ANKAR: variants seen among roughly 807,000 people sequenced by gnomAD.
The protein encoded by ANKAR is ankyrin and armadillo repeat-containing protein.
Under a neutral mutation model 146.2 loss-of-function variants are expected in ANKAR, and 136 were observed. That is an observed-to-expected ratio of 0.93 (90% CI 0.81 to 1.07). ANKAR has a LOEUF of 1.07. Among genes scored for constraint, ANKAR ranks in the 50% least tolerant of loss-of-function variants. ANKAR has a pLI of 0.00. For synonymous variants in ANKAR, 500 were observed against 575.8 expected (o/e 0.87, Z 1.88); for missense variants, 1,567 against 1,679.9 (o/e 0.93, Z 1.18).
chr2:189,731,264 C>A (rs949307659), intron 16 of ANKAR, among the ~76,000 whole-genome samples: 86 of 150,508 alleles, frequency 5.7e-4, no homozygotes, highest in African/African-American at 2.1e-3. Flanking sequence ...ATTATAACAT[C>A]AAAAAAAATT....
intron 22 of ANKAR, among the ~76,000 whole-genome samples, chr2:189,745,420 TTATATC>T (rs1280291830): frequency 6.6e-6 from 1 of 152,196 alleles, no homozygotes; most frequent in Non-Finnish European, 1.5e-5. Flanking sequence ...CTTTGCTGTT[TTATATC>T]TGAAACAACT....
chr2:189,704,619 A>T (rs532097932), intron 7 of ANKAR, among the ~76,000 whole-genome samples: 2 of 130,402 alleles, frequency 1.5e-5, no homozygotes, highest in South Asian at 2.5e-4. Flanking sequence ...AAAGGATCTT[A>T]TCTTCAACTA....
intron 9 of ANKAR, among the ~76,000 whole-genome samples, chr2:189,707,869 A>T (rs904154591): frequency 5.3e-5 from 8 of 152,142 alleles, no homozygotes; most frequent in Non-Finnish European, 1.2e-4. Context: ...GCCAGAGAAA[A>T]TCATTCCAAG....
At chr2:189,762,570 A>G (rs1004555617), downstream of ANKAR, 2 of 984,430 alleles carry the variant, frequency 2.0e-6, no homozygotes, top group Non-Finnish European at 2.4e-6. Context: ...AACCCACGTG[A>G]CTTGGGTAGC....
intron 19 of ANKAR, 136 bp downstream of exon 19, chr2:189,738,818 AC>A: frequency 1.8e-6 from 1 of 548,032 alleles, no homozygotes. Flanking sequence ...GTTTATATCT[AC>A]ATGGAACTCC....
At chr2:189,725,868 A>G (rs905683038) in intron 12 of ANKAR, among the ~76,000 whole-genome samples, 15 of 152,182 alleles carry the variant, frequency 9.9e-5, no homozygotes, top group African/African-American at 3.6e-4. Flanking sequence ...AGTTCATGTC[A>G]TTGCATTCCA....
chr2:189,728,877 G>T (rs760914835), intron 15 of ANKAR, 56 bp downstream of exon 15: 5 of 1,507,226 alleles, frequency 3.3e-6, no homozygotes, highest in South Asian at 1.3e-5. Context: ...AACAGATTGC[G>T]CAGAGAAGTG....
At chr2:189,753,165 A>G (rs2045550604) in intron 18 of ANKAR, 1 of 427,604 alleles carries the variant, frequency 2.3e-6, no homozygotes. Context: ...TAATTCTAAT[A>G]GCATACAAAC....
chr2:189,744,830 A>G, intron 22 of ANKAR, 42 bp downstream of exon 22: 1 of 1,424,962 alleles, frequency 7.0e-7, no homozygotes, highest in Non-Finnish European at 9.8e-7. Context: ...CTTCTAGCCC[A>G]GACACTTTAT....
intron 10 of ANKAR, among the ~76,000 whole-genome samples, chr2:189,719,149 G>A (rs1423627115): frequency 5.9e-5 from 9 of 152,118 alleles, no homozygotes; most frequent in Admixed American, 3.3e-4. Flanking sequence ...TCACATCCTT[G>A]TATAAAATAA....
chr2:189,745,200 A>AT (rs2043975217), intron 22 of ANKAR, among the ~76,000 whole-genome samples: 1 of 151,714 alleles, frequency 6.6e-6, no homozygotes, highest in South Asian at 2.1e-4. Flanking sequence ...CAAAAAAAAA[A>AT]GTAGAGGGTA....
chr2:189,725,662 C>G (rs1435303295), intron 12 of ANKAR, among the ~76,000 whole-genome samples: 1 of 152,204 alleles, frequency 6.6e-6, no homozygotes, highest in Non-Finnish European at 1.5e-5. Flanking sequence ...AATCCCAGCA[C>G]TTTGCGGGGC....
chr2:189,700,677 C>T (rs1406192255), intron 7 of ANKAR, among the ~76,000 whole-genome samples: 1 of 152,170 alleles, frequency 6.6e-6, no homozygotes, highest in African/African-American at 2.4e-5. Flanking sequence ...ATCCCCACTT[C>T]CCCCCACTAC....
chr2:189,762,838 C>A (rs1039102497), downstream of ANKAR: 42 of 985,412 alleles, frequency 4.3e-5, no homozygotes, highest in South Asian at 1.9e-4. Flanking sequence ...GCTGCTGTTC[C>A]GCTAGCGAGC....
chr2:189,690,057 A>G, intron 3 of ANKAR, 93 bp downstream of exon 3: 2 of 847,690 alleles, frequency 2.4e-6, no homozygotes, highest in South Asian at 3.0e-5. Context: ...GGGTGCAGGC[A>G]GTAACCTAGC....
Position 189,743,431 on chromosome 2 carries a change from G to T in ANKAR, c.3967G>T (p.Glu1323Ter). 1 of 1,613,854 alleles carries T rather than the reference G, an allele frequency of 6.2e-7. No homozygotes were observed. The highest frequency in any genetic ancestry group is 8.5e-7 in the Non-Finnish European group (1 of 1,179,882). The change falls in exon 21 of 23, where the codon GAA (glutamate) becomes TAA (stop). Residue 1323 changes from glutamate to a stop codon, truncating the protein, a stop_gained. Coordinates refer to ENST00000684021, the MANE Select transcript of ANKAR (RefSeq NM_001378068.1). LOFTEE classifies it high-confidence loss of function. ...AAGTATTAACCCAGCATTTTTAAAG[G>T]AATTTCAAATGCAACAAACACTGGT... ...DASINPAFLK[E>*]FQMQQTLVGL...
At chr2:189,758,775 T>C (rs2046484124) in intron 18 of ANKAR, among the ~76,000 whole-genome samples, 1 of 152,176 alleles carries the variant, frequency 6.6e-6, no homozygotes, top group Non-Finnish European at 1.5e-5. Flanking sequence ...TAGACTCTAC[T>C]GAGAGAGATT....
At chr2:189,711,684 C>G (rs934972188) in intron 10 of ANKAR, among the ~76,000 whole-genome samples, 5 of 152,176 alleles carry the variant, frequency 3.3e-5, no homozygotes, top group Non-Finnish European at 5.9e-5. Flanking sequence ...ATGATCGGCG[C>G]AGAAGACAGG....
intron 2 of ANKAR, among the ~76,000 whole-genome samples, chr2:189,689,234 G>A (rs2036063751): frequency 6.6e-6 from 1 of 152,020 alleles, no homozygotes. Context: ...CAGTTATTGT[G>A]TCTAAACCAC....
Sources: allele counts gnomAD v4.1 joint callset (sites outside exome capture counted in the v4.1 genomes callset), GRCh38; gene constraint gnomAD v4.1.1; transcripts MANE v1.5; gene names NCBI Gene and HGNC (gene_info 2026-07-23, HGNC 2026-07-21).